The following CLASP1 variants were observed in gnomAD, a reference collection of about 807,000 sequenced individuals.
The protein encoded by CLASP1 is CLIP-associating protein 1.
In CLASP1, 38 loss-of-function variants were observed where a neutral mutation model predicts 192.3. The ratio of observed to expected loss-of-function variants is 0.20; its 90% CI spans 0.15 to 0.26. The LOEUF is 0.26. Ranked by LOEUF, CLASP1 falls within the 10% of genes least tolerant of loss-of-function variation. The pLI, the probability that CLASP1 is intolerant of heterozygous loss-of-function variation, is 1.00. For synonymous variants in CLASP1, 691 were observed against 712.8 expected (o/e 0.97, Z 0.49); for missense variants, 1,433 against 1,932.5 (o/e 0.74, Z 4.85).
At chr2:121,603,233 T>G (rs1331660025) in intron 2 of CLASP1, 4 of 151,552 alleles carry the variant, frequency 2.6e-5, no homozygotes, top group Non-Finnish European at 5.9e-5. Context: ...ATTATATATA[T>G]ATACATATCC....
At chr2:121,393,239 C>T (rs1474983226) in intron 30 of CLASP1, among the ~76,000 whole-genome samples, 2 of 152,142 alleles carry the variant, frequency 1.3e-5, no homozygotes, top group African/African-American at 2.4e-5. Context: ...GACTGAAGGG[C>T]TCTTCTGTAT....
chr2:121,560,463 C>T (rs902485296), intron 2 of CLASP1, among the ~76,000 whole-genome samples: 1 of 152,170 alleles, frequency 6.6e-6, no homozygotes, highest in African/African-American at 2.4e-5. Context: ...AAGAAAGCCA[C>T]AATTAAAACA....
chr2:121,584,502 T>C (rs1389761655), intron 2 of CLASP1, among the ~76,000 whole-genome samples: 1 of 152,164 alleles, frequency 6.6e-6, no homozygotes. Context: ...GCCTGGTTTT[T>C]AAGGAAAGGT....
intron 17 of CLASP1, among the ~76,000 whole-genome samples, chr2:121,448,561 A>C (rs920142851): frequency 1.3e-5 from 2 of 152,210 alleles, no homozygotes; most frequent in Non-Finnish European, 2.9e-5. Flanking sequence ...GAAATTAGAA[A>C]CACAGAGCAG....
At chr2:121,637,489 C>G (rs1363336352) in intron 1 of CLASP1, among the ~76,000 whole-genome samples, 1 of 152,052 alleles carries the variant, frequency 6.6e-6, no homozygotes, top group African/African-American at 2.4e-5. Context: ...AAAGTAAGAG[C>G]TAAAATTATA....
intron 39 of CLASP1, 67 bp downstream of exon 40, chr2:121,346,971 C>A: frequency 2.0e-6 from 2 of 985,396 alleles, no homozygotes; most frequent in South Asian, 3.1e-5. Context: ...GAGCTGCAGT[C>A]AAATGGATTT....
In CLASP1 at chr2:121,508,921, G is replaced by A. The variant is rs957356021; in HGVS notation, c.645-5687C>T. On this transcript the variant is annotated intron_variant, in intron 7 of 39. Transcript: ENST00000263710. ...ACAGACATTTTACAATAGTAAAAGA[G>A]TCAGTGCTCAGGGGATCATAACAAT... Among the ~76,000 whole-genome samples, 15 of 152,316 alleles carry A rather than the reference G, an allele frequency of 9.8e-5. 1 individual carries two copies. The highest frequency in any genetic ancestry group is 8.5e-4 in the Admixed American group (13 of 15,304).
chr2:121,494,321 ATTATG>A (rs1342379313), intron 8 of CLASP1, among the ~76,000 whole-genome samples: 2 of 152,226 alleles, frequency 1.3e-5, no homozygotes, highest in Non-Finnish European at 2.9e-5. Flanking sequence ...ACTGGAGGAA[ATTATG>A]TTAAGAGAAG....
intron 19 of CLASP1, among the ~76,000 whole-genome samples, chr2:121,433,615 G>A (rs2081842433): frequency 6.6e-6 from 1 of 152,058 alleles, no homozygotes; most frequent in South Asian, 2.1e-4. Context: ...AATTAGTTGG[G>A]CATGGTTGTG....
At chr2:121,428,684 G>A (rs1418355097) in intron 20 of CLASP1, among the ~76,000 whole-genome samples, 3 of 152,166 alleles carry the variant, frequency 2.0e-5, no homozygotes, top group African/African-American at 4.8e-5. Context: ...ATCCTGAACT[G>A]CATCCCTCAT....
intron 26 of CLASP1, among the ~76,000 whole-genome samples, chr2:121,402,378 G>A (rs1472787931): frequency 6.6e-6 from 1 of 152,204 alleles, no homozygotes; most frequent in Non-Finnish European, 1.5e-5. Flanking sequence ...CAATTTCAGA[G>A]AGAAAAGTAG....
intron 2 of CLASP1, among the ~76,000 whole-genome samples, chr2:121,577,828 A>T (rs1205360955): frequency 6.6e-6 from 1 of 152,118 alleles, no homozygotes; most frequent in Non-Finnish European, 1.5e-5. Context: ...TGATCCTAGC[A>T]CTTTGGGAGC....
At chr2:121,630,795 G>A (rs900470954) in intron 1 of CLASP1, among the ~76,000 whole-genome samples, 1 of 150,276 alleles carries the variant, frequency 6.7e-6, no homozygotes, top group Non-Finnish European at 1.5e-5. Context: ...ACCCAGCAGA[G>A]GTTGCAGTGA....
chr2:121,499,587 T>C (rs552194872), intron 8 of CLASP1, among the ~76,000 whole-genome samples: 19 of 152,072 alleles, frequency 1.2e-4, no homozygotes, highest in African/African-American at 3.9e-4. Flanking sequence ...AATCTCAATT[T>C]TTAATTTTTA....
intron 37 of CLASP1, among the ~76,000 whole-genome samples, chr2:121,353,403 C>T (rs1321726466): frequency 2.0e-5 from 3 of 152,150 alleles, no homozygotes; most frequent in African/African-American, 7.2e-5. Context: ...GGGTCCAGTG[C>T]CAACATCATG....
intron 26 of CLASP1, among the ~76,000 whole-genome samples, chr2:121,402,365 A>T (rs552320934): frequency 6.6e-6 from 1 of 152,368 alleles, no homozygotes; most frequent in South Asian, 2.1e-4. Context: ...AATATCTCTG[A>T]ACCAATTTCA....
At chr2:121,517,410 A>C (rs1421763119) in intron 6 of CLASP1, among the ~76,000 whole-genome samples, 1 of 152,194 alleles carries the variant, frequency 6.6e-6, no homozygotes, top group Non-Finnish European at 1.5e-5. Context: ...AGGTAACTTT[A>C]CTCATAATTT....
intron 17 of CLASP1, among the ~76,000 whole-genome samples, chr2:121,448,585 T>C (rs1285341933): frequency 3.3e-5 from 5 of 152,206 alleles, no homozygotes; most frequent in African/African-American, 1.2e-4. Context: ...TGATAATATA[T>C]TAAGTCACAG....
chr2:121,463,709 T>G (rs1055585736), intron 9 of CLASP1, among the ~76,000 whole-genome samples: 1 of 151,992 alleles, frequency 6.6e-6, no homozygotes, highest in Non-Finnish European at 1.5e-5. Context: ...TTAAACAACA[T>G]GCAAAAAGGA....
Sources: allele counts gnomAD v4.1 joint callset (sites outside exome capture counted in the v4.1 genomes callset), GRCh38; gene constraint gnomAD v4.1.1; transcripts MANE v1.5; gene names NCBI Gene and HGNC (gene_info 2026-07-23, HGNC 2026-07-21).